Variants in DMD observed in about 807,000 individuals in gnomAD.
The protein encoded by DMD is mutant dystrophin.
Under a neutral mutation model 330.1 loss-of-function variants are expected in DMD, and 63 were observed. The ratio of observed to expected loss-of-function variants is 0.19; its 90% CI spans 0.16 to 0.24. DMD has a LOEUF of 0.24. DMD is among the 10% of genes least tolerant of loss of function. The pLI is 1.00. For missense variants in DMD, 3,344 were observed against 2,684.1 expected (o/e 1.25, Z -5.43); for synonymous variants, 1,223 against 959.8 (o/e 1.27, Z -5.07).
chrX:31,310,968 G>T (rs2055472452), intron 62 of DMD, among the ~76,000 whole-genome samples: 1 of 111,175 alleles, frequency 9.0e-6, no homozygotes. Flanking sequence ...ATGAGAAAAA[G>T]TATGAGAAAT....
At chrX:31,402,915 G>T (rs909633647) in intron 60 of DMD, among the ~76,000 whole-genome samples, 3 of 111,209 alleles carry the variant, frequency 2.7e-5, no homozygotes, top group African/African-American at 9.8e-5. Context: ...ATATGAAGAA[G>T]TATGAGGCAA....
chrX:31,230,663 A>G (rs1295234477), intron 63 of DMD, among the ~76,000 whole-genome samples: 1 of 107,273 alleles, frequency 9.3e-6, no homozygotes, highest in Non-Finnish European at 1.9e-5. Flanking sequence ...AAAAAAAAAA[A>G]GGGAGAGAAG....
intron 44 of DMD, among the ~76,000 whole-genome samples, chrX:32,084,753 T>A (rs912365276): frequency 9.0e-6 from 1 of 111,188 alleles, no homozygotes; most frequent in Non-Finnish European, 1.9e-5. Context: ...AGACCTGCTA[T>A]TGGGATTACG....
chrX:31,238,179 C>T (rs1399324159), intron 63 of DMD, among the ~76,000 whole-genome samples: 2 of 111,497 alleles, frequency 1.8e-5, no homozygotes, highest in Non-Finnish European at 3.8e-5. Flanking sequence ...GTGAGTTTGC[C>T]TTCTTTCTCC....
At chrX:31,833,297 AGAGGGAGAGAGGGAGAGAGG>A (rs2093102899) in intron 49 of DMD, among the ~76,000 whole-genome samples, 2 of 19,003 alleles carry the variant, frequency 1.1e-4, no homozygotes, top group East Asian at 2.7e-3. Flanking sequence ...AGAGAGGGAG[AGAGGGAGAGAGGGAGAGAGG>A]GAGAGAGGGA....
chrX:32,776,118 G>C (rs1382194477), intron 7 of DMD, among the ~76,000 whole-genome samples: 1 of 111,588 alleles, frequency 9.0e-6, no homozygotes, highest in African/African-American at 3.3e-5. Flanking sequence ...CTAAAGCATA[G>C]CAAGAGTCAC....
chrX:31,774,393 A>G (rs73461810), intron 50 of DMD, among the ~76,000 whole-genome samples: 59 of 111,708 alleles, frequency 5.3e-4, no homozygotes, highest in African/African-American at 1.9e-3. Context: ...TAGAAAATGA[A>G]AAGATTCAAC....
intron 55 of DMD, among the ~76,000 whole-genome samples, chrX:31,575,319 C>T (rs1260309373): frequency 9.0e-6 from 1 of 111,222 alleles, no homozygotes; most frequent in Non-Finnish European, 1.9e-5. Context: ...TATTATTGAA[C>T]ATTTGGCCAT....
intron 42 of DMD, among the ~76,000 whole-genome samples, chrX:32,309,643 CATT>C (rs752955234): frequency 9.0e-6 from 1 of 110,742 alleles, no homozygotes; most frequent in African/African-American, 3.3e-5. Flanking sequence ...CAGGTATTGA[CATT>C]AATTTGAAAT....
intron 9 of DMD, among the ~76,000 whole-genome samples, chrX:32,667,800 A>C (rs2061403682): frequency 1.0e-5 from 1 of 96,442 alleles, no homozygotes. Context: ...TTTTCTACTC[A>C]AGTCAGATAA....
chrX:32,348,814 A>G (rs1210520760), intron 37 of DMD, among the ~76,000 whole-genome samples: 1 of 111,592 alleles, frequency 9.0e-6, no homozygotes, highest in East Asian at 2.8e-4. Flanking sequence ...TGAATGGGCT[A>G]ATTTTTAATA....
At chrX:32,420,740 G>C (rs912608882) in intron 29 of DMD, among the ~76,000 whole-genome samples, 4 of 111,765 alleles carry the variant, frequency 3.6e-5, no homozygotes, top group Non-Finnish European at 7.5e-5. Flanking sequence ...TGATGTATGG[G>C]AAGCAAATTC....
At chrX:31,611,161 G>A (rs1165977648) in intron 55 of DMD, among the ~76,000 whole-genome samples, 1 of 109,284 alleles carries the variant, frequency 9.2e-6, no homozygotes, top group African/African-American at 3.3e-5. Context: ...AATTTAAGTG[G>A]GCACAAGAAC....
chrX:32,509,085 C>T (rs1206444401), intron 18 of DMD, among the ~76,000 whole-genome samples: 1 of 108,977 alleles, frequency 9.2e-6, no homozygotes, highest in Admixed American at 9.9e-5. Flanking sequence ...GCTGAGATTA[C>T]AGGCGTGAGC....
chrX:32,782,883 A>G (rs1001883771), intron 7 of DMD, among the ~76,000 whole-genome samples: 2 of 106,926 alleles, frequency 1.9e-5, no homozygotes, highest in African/African-American at 6.8e-5. Context: ...ACACACGTAT[A>G]TATATACATA....
intron 11 of DMD, among the ~76,000 whole-genome samples, chrX:32,635,864 G>A (rs1022409222): frequency 8.9e-6 from 1 of 111,738 alleles, no homozygotes; most frequent in Non-Finnish European, 1.9e-5. Flanking sequence ...TTTACCACAA[G>A]TACATCCATC....
chrX:32,199,830 T>TGTGTA (rs2097025736), intron 44 of DMD, among the ~76,000 whole-genome samples: 1 of 66,217 alleles, frequency 1.5e-5, no homozygotes, highest in African/African-American at 5.9e-5. Flanking sequence ...GTGTGTGTAT[T>TGTGTA]TTTAGTAGAG....
intron 27 of DMD, among the ~76,000 whole-genome samples, chrX:32,446,368 C>G (rs2098304659): frequency 9.4e-6 from 1 of 106,858 alleles, no homozygotes; most frequent in East Asian, 3.0e-4. Flanking sequence ...TTCCTAAAGG[C>G]AAAAAATTTC....
At chrX:32,798,388 T>A (rs6631647) in intron 7 of DMD, among the ~76,000 whole-genome samples, 12,352 of 111,529 alleles carry the variant, frequency 0.11, 1,600 homozygotes, top group African/African-American at 0.37. Flanking sequence ...GAGAACACAC[T>A]GGAATACTCT....
Sources: allele counts gnomAD v4.1 joint callset (sites outside exome capture counted in the v4.1 genomes callset), GRCh38; gene constraint gnomAD v4.1.1; transcripts MANE v1.5; gene names NCBI Gene and HGNC (gene_info 2026-07-23, HGNC 2026-07-21).